The following RPS6KA2 variants were observed in gnomAD, a reference collection of about 807,000 sequenced individuals.
RPS6KA2 encodes ribosomal protein S6 kinase alpha-2.
In RPS6KA2, 42 loss-of-function variants were observed where a neutral mutation model predicts 91.8. The ratio of observed to expected loss-of-function variants is 0.46; its 90% CI spans 0.36 to 0.59. The LOEUF is 0.59. RPS6KA2 is among the 20% of genes least tolerant of loss of function. The pLI is 0.00. For synonymous variants in RPS6KA2, 414 were observed against 393.6 expected (o/e 1.05, Z -0.61); for missense variants, 798 against 978.5 (o/e 0.82, Z 2.46).
intron 2 of RPS6KA2, among the ~76,000 whole-genome samples, chr6:166,663,804 C>T (rs989842169): frequency 3.3e-5 from 5 of 152,154 alleles, no homozygotes; most frequent in Non-Finnish European, 7.3e-5. Flanking sequence ...GGCGCTGCAC[C>T]CACCTGGAGC....
chr6:166,748,155 C>A (rs1037148931), intron 2 of RPS6KA2, among the ~76,000 whole-genome samples: 4 of 152,164 alleles, frequency 2.6e-5, no homozygotes, highest in African/African-American at 9.7e-5. Flanking sequence ...GAAGAGATTA[C>A]TTCTGAAAAA....
intron 2 of RPS6KA2, among the ~76,000 whole-genome samples, chr6:166,789,017 C>T (rs979528347): frequency 6.6e-6 from 1 of 152,148 alleles, no homozygotes; most frequent in African/African-American, 2.4e-5. Flanking sequence ...GGGCACAGGA[C>T]AGCGGGTGCA....
At chr6:166,700,098 T>C (rs1188947561) in intron 2 of RPS6KA2, among the ~76,000 whole-genome samples, 1 of 152,250 alleles carries the variant, frequency 6.6e-6, no homozygotes, top group Non-Finnish European at 1.5e-5. Context: ...CTTTAGGTAT[T>C]GATAGTCAAA....
At chr6:166,562,572 T>A (rs1381729395) in intron 1 of RPS6KA2, among the ~76,000 whole-genome samples, 2 of 152,154 alleles carry the variant, frequency 1.3e-5, no homozygotes, top group Non-Finnish European at 2.9e-5. Context: ...TAAAATTCAT[T>A]CCCAAACTGG....
At chr6:166,712,638 G>A (rs921223830) in intron 2 of RPS6KA2, among the ~76,000 whole-genome samples, 3 of 152,216 alleles carry the variant, frequency 2.0e-5, no homozygotes, top group African/African-American at 7.2e-5. Context: ...AGTAGTGTGA[G>A]CCTCTCACGC....
intron 16 of RPS6KA2, among the ~76,000 whole-genome samples, chr6:166,425,236 T>A (rs541118632): frequency 2.2e-4 from 33 of 152,238 alleles, no homozygotes; most frequent in African/African-American, 7.5e-4. Flanking sequence ...TCTTTAAAAA[T>A]TATTATTCTT....
intron 2 of RPS6KA2, among the ~76,000 whole-genome samples, chr6:166,835,970 A>G (rs1351766943): frequency 5.9e-5 from 9 of 152,214 alleles, no homozygotes; most frequent in Non-Finnish European, 2.9e-5. Flanking sequence ...TTATGCATCT[A>G]TTAAGATGAT....
intron 3 of RPS6KA2, among the ~76,000 whole-genome samples, chr6:166,515,113 G>C (rs968524233): frequency 6.6e-6 from 1 of 152,184 alleles, no homozygotes; most frequent in Admixed American, 6.5e-5. Flanking sequence ...TGTTGTTCTG[G>C]GGAAGGAGGG....
At chr6:166,853,370 C>T (rs55635139) in intron 2 of RPS6KA2, among the ~76,000 whole-genome samples, 1 of 152,240 alleles carries the variant, frequency 6.6e-6, no homozygotes, top group Non-Finnish European at 1.5e-5. Flanking sequence ...ATCTATGTAT[C>T]TAAGAACATG....
intron 11 of RPS6KA2, among the ~76,000 whole-genome samples, chr6:166,468,060 G>T (rs552229409): frequency 6.6e-6 from 1 of 152,372 alleles, no homozygotes; most frequent in East Asian, 1.9e-4. Flanking sequence ...CTGACACCCA[G>T]GTCCATTCTT....
At position 166,626,146 on chromosome 6, in the gene RPS6KA2, G is replaced by T. The variant is rs1786864361; in HGVS notation, c.99+775C>A. 6.6e-6 allele frequency among the ~76,000 whole-genome samples: 1 copy of T among 152,188 alleles called. No individual in the cohort carries two copies. Among genetic ancestry groups the T allele is most frequent in the Non-Finnish European group, 1.5e-5 (1 of 68,034 alleles). Reference sequence around the variant, plus strand: ...ACGTTTCACTGTTTTGTCATCTATAGATTCAACAATGTGATTTGGACACTG... The same window carrying T: ...ACGTTTCACTGTTTTGTCATCTATATATTCAACAATGTGATTTGGACACTG... On this transcript the variant is annotated intron_variant, in intron 1 of 20. Coordinates refer to ENST00000265678, the MANE Select transcript of RPS6KA2 (RefSeq NM_021135.6). The surrounding 1 kb of genome is among the most constrained non-coding windows in gnomAD (Gnocchi z 4.1).
At chr6:166,862,230 G>C in exon 1 of RPS6KA2, 4 of 1,611,772 alleles carry the variant, frequency 2.5e-6, no homozygotes, top group African/African-American at 1.3e-5. Flanking sequence ...ATAAACAGAG[G>C]CTCGGACCGG....
At chr6:166,802,274 T>TAAAAAAA (rs879452802) in intron 2 of RPS6KA2, among the ~76,000 whole-genome samples, 2 of 86,866 alleles carry the variant, frequency 2.3e-5, no homozygotes, top group Non-Finnish European at 5.2e-5. Flanking sequence ...CGTCTCAAAA[T>TAAAAAAA]AAAAAAAAAA....
intron 2 of RPS6KA2, among the ~76,000 whole-genome samples, chr6:166,663,667 G>T (rs981128148): frequency 6.6e-6 from 1 of 152,180 alleles, no homozygotes; most frequent in Non-Finnish European, 1.5e-5. Context: ...GAAAACACCT[G>T]CTGGGAAGCT....
At chr6:166,818,914 C>T (rs187437201) in intron 2 of RPS6KA2, among the ~76,000 whole-genome samples, 27 of 152,068 alleles carry the variant, frequency 1.8e-4, no homozygotes, top group African/African-American at 6.5e-4. Flanking sequence ...CTGCTCCAGA[C>T]CTGGAGCCAG....
chr6:166,698,418 G>A (rs1789415390), intron 2 of RPS6KA2, among the ~76,000 whole-genome samples: 1 of 152,216 alleles, frequency 6.6e-6, no homozygotes, highest in Admixed American at 6.5e-5. Flanking sequence ...GGTCAATGGA[G>A]AAGGTTGAAA....
intron 1 of RPS6KA2, among the ~76,000 whole-genome samples, chr6:166,564,103 A>T (rs957503217): frequency 2.0e-5 from 3 of 152,226 alleles, no homozygotes; most frequent in Admixed American, 2.0e-4. Context: ...CCTCAGGAAT[A>T]TATTTACTTA....
chr6:166,560,364 C>A (rs1173524144), intron 1 of RPS6KA2, among the ~76,000 whole-genome samples: 2 of 152,168 alleles, frequency 1.3e-5, no homozygotes, highest in East Asian at 1.9e-4. Flanking sequence ...CCTTGCAATA[C>A]AATAAATAAT....
At chr6:166,560,073 G>C (rs1463536570) in intron 1 of RPS6KA2, among the ~76,000 whole-genome samples, 2 of 152,194 alleles carry the variant, frequency 1.3e-5, no homozygotes, top group South Asian at 2.1e-4. Flanking sequence ...ACTGAGATGT[G>C]AGTCTAGTGG....
Sources: gnomAD v4.1 joint callset for allele counts (sites outside exome capture counted in the v4.1 genomes callset) on GRCh38, gnomAD v4.1.1 for gene constraint, Gnocchi (gnomAD v3.1) non-coding constraint, MANE v1.5 for transcripts, NCBI Gene and HGNC (gene_info 2026-07-23, HGNC 2026-07-21) for gene names.